ZNF33B: variants seen among roughly 807,000 people sequenced by gnomAD.
ZNF33B encodes the protein zinc finger protein 11b (KOX 2).
In ZNF33B, 29 loss-of-function variants were observed where a neutral mutation model predicts 45.8. The ratio of observed to expected loss-of-function variants is 0.63; its 90% CI spans 0.47 to 0.86. The LOEUF (loss-of-function observed/expected upper bound fraction) is 0.86, where lower values mean the gene tolerates loss of function less well. ZNF33B is among the 40% of genes least tolerant of loss of function. The pLI, the probability that ZNF33B is intolerant of heterozygous loss-of-function variation, is 0.00. For missense variants in ZNF33B, 831 were observed against 909.9 expected, an observed-to-expected ratio of 0.91 and a Z score of 1.12; for synonymous variants, 305 against 307.8, an observed-to-expected ratio of 0.99 and a Z score of 0.10.
Position 42,592,862 on chromosome 10 carries a change from A to G in ZNF33B, c.2088T>C (p.Asn696=), listed in dbSNP as rs1837196051. The change falls in exon 5 of 5, where the codon AAT becomes AAC. Residue 696 remains asparagine (N), a synonymous_variant. Coordinates refer to ENST00000359467, the MANE Select transcript of ZNF33B (RefSeq NM_006955.3). ...TGTGACTGAAGGATTTCCCACATTC[A>G]TTGCATTCATAGGGTTTCTCCCCCG... The part of the protein sequence containing the change: ...KHTGEKPYEC[N]ECGKSFSHKS... The G allele has an allele frequency of 8.7e-6, 14 of 1,614,018 alleles. No individual in the cohort carries two copies. In the South Asian group the frequency reaches 8.8e-5, roughly 10 times the overall value.
In ZNF33B at chr10:42,625,351, T is replaced by C. The variant is rs547739324; in HGVS notation, c.250+6578A>G. Among the ~76,000 whole-genome samples, 14 of 149,716 alleles carry C rather than the reference T, an allele frequency of 9.4e-5. No homozygotes were observed. In the South Asian group the frequency reaches 3.1e-3, roughly 33 times the overall value. On this transcript the variant is annotated intron_variant, in intron 4 of 4. Transcript: ENST00000359467. ...ATTTTCTATGGAATAAGTGGTATTA[T>C]GTTTTTAATTTAGATTTGTATATGT...
rs771723087 is a variant in ZNF33B, at chr10:42,631,971, G to A, written c.208C>T (p.Pro70Ser). ...GGGAATTCTTCCTCCAGTCTCCATG[G>A]TTCTTCTCCTTGTTCCAGCCTGAAG... is the stretch of plus-strand genomic sequence containing the variant. ...VIFRLEQGEE[P>S]WRLEEEFPSQ... Residue 70 changes from proline (P) to serine (S), a missense_variant, in exon 4 of 5, where the codon CCA (proline) becomes TCA (serine). Coordinates refer to ENST00000359467, the MANE Select transcript of ZNF33B (RefSeq NM_006955.3). 2 of 1,614,102 alleles carry A rather than the reference G, an allele frequency of 1.2e-6. No homozygotes were observed. The highest frequency in any genetic ancestry group is 1.7e-5 in the Admixed American group (1 of 60,024).
intron 4 of ZNF33B, among the ~76,000 whole-genome samples, chr10:42,625,874 T>G (rs1204758349): frequency 6.6e-6 from 1 of 152,256 alleles, no homozygotes; most frequent in Non-Finnish European, 1.5e-5. Context: ...GTATGCCTTC[T>G]CTTTCATTTT....
intron 3 of ZNF33B, 59 bp downstream of exon 3, chr10:42,632,236 A>G: frequency 6.4e-7 from 1 of 1,570,562 alleles, no homozygotes; most frequent in Non-Finnish European, 8.6e-7. Flanking sequence ...GACTGCCTAT[A>G]TGTTTTATAA....
At chr10:42,605,234 A>G (rs1837789787) in intron 4 of ZNF33B, 1 of 150,696 alleles carries the variant, frequency 6.6e-6, no homozygotes, top group Non-Finnish European at 1.5e-5. Context: ...CAAGAAAGAC[A>G]GAGAAGTTCA....
chr10:42,574,655 ACTCT>A lies in ZNF33B; in HGVS notation c.93_96del (p.Arg31SerfsTer46), dbSNP rs757915197. 13 of 151,120 alleles carry A rather than the reference ACTCT, an allele frequency of 8.6e-5. No homozygotes were observed. Among genetic ancestry groups the A allele is most frequent in the African/African-American group, 1.5e-4 (6 of 41,052 alleles). The allele number at this position is 151,120 out of a possible 1,614,324, so 9.4% of individuals were successfully genotyped here. On this transcript the variant is annotated frameshift_variant, in exon 2 of 2. Transcript: ENST00000462075. LOFTEE classifies it high-confidence loss of function. Reference sequence around the variant, plus strand: ...GGTGAGTTATTTCAAGGTACATACCACTCTCTCCTGAGGCTGATGACATCTGCAA... The same window carrying A: ...GGTGAGTTATTTCAAGGTACATACCACTCCTGAGGCTGATGACATCTGCAA...
At chr10:42,598,858 A>C (rs372521457) in intron 4 of ZNF33B, among the ~76,000 whole-genome samples, 1 of 152,114 alleles carries the variant, frequency 6.6e-6, no homozygotes, top group African/African-American at 2.4e-5. Context: ...CTTTCCTTGC[A>C]ATGTCTCTGT....
At chr10:42,634,362 G>A (rs113947623) in intron 2 of ZNF33B, among the ~76,000 whole-genome samples, 3 of 151,904 alleles carry the variant, frequency 2.0e-5, no homozygotes, top group Non-Finnish European at 2.9e-5. Flanking sequence ...AGCTAAGATC[G>A]CACCACTGCA....
In ZNF33B at chr10:42,593,556, C is replaced by T. The variant is rs142856002; in HGVS notation, c.1394G>A (p.Gly465Asp). The T allele has an allele frequency of 6.2e-7, 1 of 1,614,022 alleles. No homozygotes were observed. The highest frequency in any genetic ancestry group is 1.3e-5 in the African/African-American group (1 of 75,036). The change falls in exon 5 of 5, where the codon GGT becomes GAT. Residue 465 changes from glycine to aspartate, a missense_variant. Gly to Asp is a moderately conservative substitution (Grantham distance 94). Transcript: ENST00000359467. ...HLTVHQRTHT[G>D]EKPFECLECG... ...CTCAAGACATTCAAAAGGTTTCTCA[C>T]CTGTGTGAGTTCTCTGGTGTACTGT...
In ZNF33B at chr10:42,593,029, C is replaced by T; in HGVS notation, c.1921G>A (p.Glu641Lys). Reference sequence around the variant, plus strand: ...TTATGGCAGAAAGCTTTTCCACACTCATTACATTCATAGGGTTTCTCCCCT... The same window carrying T: ...TTATGGCAGAAAGCTTTTCCACACTTATTACATTCATAGGGTTTCTCCCCT... ...HIGEKPYECN[E>K]CGKAFCHKSA... Residue 641 changes from glutamate (E) to lysine (K), a missense_variant, in exon 5 of 5, where the codon GAG (glutamate) becomes AAG (lysine). By Grantham distance (56) the Glu-to-Lys change is moderately conservative. Coordinates refer to ENST00000359467, the MANE Select transcript of ZNF33B (RefSeq NM_006955.3). 6.2e-7 allele frequency: 1 copy of T among 1,614,102 alleles called. No individual in the cohort carries two copies. The highest frequency in any genetic ancestry group is 1.1e-5 in the South Asian group (1 of 91,076).
intron 4 of ZNF33B, among the ~76,000 whole-genome samples, chr10:42,604,884 G>A (rs375961040): frequency 6.6e-6 from 1 of 151,368 alleles, no homozygotes; most frequent in South Asian, 2.1e-4. Flanking sequence ...TAGTGCCACT[G>A]CACTCCAGCT....
chr10:42,628,099 C>G (rs1275989375), intron 4 of ZNF33B, among the ~76,000 whole-genome samples: 1 of 152,130 alleles, frequency 6.6e-6, no homozygotes, highest in African/African-American at 2.4e-5. Flanking sequence ...TCACTGGAAC[C>G]TTTGCCTCCC....
chr10:42,588,712 C>G (rs937452269), downstream of ZNF33B, among the ~76,000 whole-genome samples: 1 of 152,170 alleles, frequency 6.6e-6, no homozygotes, highest in Non-Finnish European at 1.5e-5. Context: ...CTGTACTATC[C>G]AGAGAGTACA....
chr10:42,634,331 CAG>C (rs976304900), intron 2 of ZNF33B, among the ~76,000 whole-genome samples: 38 of 152,042 alleles, frequency 2.5e-4, no homozygotes, highest in African/African-American at 8.9e-4. Flanking sequence ...CACTCGAACC[CAG>C]GAGGTGGAGG....
chr10:42,588,377 C>A (rs138123939), downstream of ZNF33B, among the ~76,000 whole-genome samples: 1 of 152,308 alleles, frequency 6.6e-6, no homozygotes, highest in African/African-American at 2.4e-5. Flanking sequence ...GTCCAAGAAG[C>A]CTTTGCCATA....
chr10:42,610,277 TG>T (rs1308973411), intron 4 of ZNF33B, among the ~76,000 whole-genome samples: 1 of 152,206 alleles, frequency 6.6e-6, no homozygotes, highest in Non-Finnish European at 1.5e-5. Context: ...GGCTCAAGCC[TG>T]TAATCCCAGC....
intron 2 of ZNF33B, 124 bp from the exon 3 acceptor site, chr10:42,632,563 TA>T: frequency 1.5e-6 from 2 of 1,311,848 alleles, no homozygotes; most frequent in Non-Finnish European, 2.1e-6. Flanking sequence ...ATAACAGAAA[TA>T]TTCTGCCATT....
At chr10:42,615,147 T>C (rs1186464417) in intron 4 of ZNF33B, among the ~76,000 whole-genome samples, 4 of 152,316 alleles carry the variant, frequency 2.6e-5, no homozygotes, top group East Asian at 1.9e-4. Context: ...GTGGCTACTA[T>C]GAGAAACAAT....
chr10:42,627,925 AGGCTTATTTAT>A (rs1838883720), intron 4 of ZNF33B, among the ~76,000 whole-genome samples: 1 of 152,224 alleles, frequency 6.6e-6, no homozygotes, highest in Admixed American at 6.5e-5. Flanking sequence ...AAATCTGCCA[AGGCTTATTTAT>A]GGCCCAGGAT....
Sources: gnomAD v4.1 joint callset for allele counts (sites outside exome capture counted in the v4.1 genomes callset) on GRCh38, gnomAD v4.1.1 for gene constraint, MANE v1.5 for transcripts, NCBI Gene and HGNC (gene_info 2026-07-23, HGNC 2026-07-21) for gene names.